The following OCA2 variants were observed in gnomAD, a reference collection of about 807,000 sequenced individuals.
OCA2 encodes the protein P protein.
OCA2 carries 77 observed loss-of-function variants against 100.2 expected under a neutral mutation model. The observed-to-expected ratio is 0.77, with a 90% CI of 0.64 to 0.93. The LOEUF is 0.93. Among genes scored for constraint, OCA2 ranks in the 40% least tolerant of loss-of-function variants. The probability of loss-of-function intolerance (pLI) is 0.00; values close to 1 mark genes in which losing one functional copy is unlikely to be tolerated. For missense variants in OCA2, 1,062 were observed against 1,089.1 expected, an observed-to-expected ratio of 0.98 and a Z score of 0.35; for synonymous variants, 432 against 439.2, an observed-to-expected ratio of 0.98 and a Z score of 0.21.
intron 9 of OCA2, among the ~76,000 whole-genome samples, chr15:28,006,460 T>G (rs2074830238): frequency 6.6e-6 from 1 of 152,216 alleles, no homozygotes; most frequent in African/African-American, 2.4e-5. Flanking sequence ...TGAGAAGAAA[T>G]GCTGGATTGT....
chr15:27,848,743 A>G (rs1185689205), intron 22 of OCA2, among the ~76,000 whole-genome samples: 1 of 152,246 alleles, frequency 6.6e-6, no homozygotes, highest in African/African-American at 2.4e-5. Flanking sequence ...GAACAGTGAG[A>G]TTTTCCACTT....
At chr15:27,844,838 CCA>C (rs1419774195) in intron 23 of OCA2, 119 bp downstream of exon 23, 2 of 777,568 alleles carry the variant, frequency 2.6e-6, no homozygotes, top group Non-Finnish European at 4.5e-6. Context: ...CTCCCCTACA[CCA>C]CAGTCTCTCT....
chr15:27,961,970 A>T (rs2040424896), intron 15 of OCA2, among the ~76,000 whole-genome samples: 1 of 152,108 alleles, frequency 6.6e-6, no homozygotes, highest in Non-Finnish European at 1.5e-5. Context: ...TAAAATAAAT[A>T]AAAATAAAAA....
intron 23 of OCA2, among the ~76,000 whole-genome samples, chr15:27,812,944 T>C (rs1874839): frequency 0.75 from 113,903 of 151,856 alleles, 44,034 homozygotes; most frequent in East Asian, 1. Flanking sequence ...CCTCCCCACT[T>C]CCCCACATGC....
At chr15:27,997,042 A>C (rs2041753369) in intron 9 of OCA2, among the ~76,000 whole-genome samples, 1 of 148,654 alleles carries the variant, frequency 6.7e-6, no homozygotes, top group South Asian at 2.1e-4. Context: ...AGAGAGAGAG[A>C]AAGAAGGAAG....
At chr15:27,965,970 T>C (rs2040552148) in intron 15 of OCA2, among the ~76,000 whole-genome samples, 1 of 151,930 alleles carries the variant, frequency 6.6e-6, no homozygotes, top group Non-Finnish European at 1.5e-5. Context: ...TTTGTTTGTT[T>C]GTTTGTTTGT....
Position 28,066,220 on chromosome 15 carries a change from A to G in OCA2, c.227+15428T>C, listed in dbSNP as rs563497971. ...TGTCCAACACCTATCACTGAAAACT[A>G]TAAAATTTTGCTTAGAGAAATTAAA... On this transcript the variant is annotated intron_variant, in intron 2 of 23. Transcript: ENST00000354638. 1.4e-4 allele frequency among the ~76,000 whole-genome samples: 21 copies of G among 152,342 alleles called. No individual in the cohort carries two copies. In the South Asian group the frequency reaches 4.3e-3, roughly 32 times the overall value.
At chr15:27,730,156 G>T in the OCA2 span, among the ~76,000 whole-genome samples, 1 of 152,180 alleles carries the variant, frequency 6.6e-6, no homozygotes, top group Non-Finnish European at 1.5e-5. Context: ...GGCTCACACA[G>T]CTCCTCCTCT....
At position 27,775,769 on chromosome 15, in the gene OCA2, T is replaced by G. The variant is rs1173875452; in HGVS notation, c.2433-20297A>C. On this transcript the variant is annotated intron_variant, in intron 23 of 23. Coordinates refer to ENST00000354638, the MANE Select transcript of OCA2 (RefSeq NM_000275.3). ...CCTCGTTCCTTGGCCGTCTTCTCCC[T>G]GTGTCTTCACAATGTTTTCCTCTGT... 3 of 152,430 alleles carry G rather than the reference T, an allele frequency of 2.0e-5. No individual in the cohort carries two copies. In the East Asian group the frequency reaches 5.8e-4, roughly 29 times the overall value. The allele number at this position is 152,430 out of a possible 1,614,324, so 9.4% of individuals were successfully genotyped here. A position where few individuals can be genotyped will look rare whatever the true frequency, so the allele number is the denominator to read the frequency against.
At chr15:27,882,806 G>A (rs918075015) in intron 19 of OCA2, among the ~76,000 whole-genome samples, 10 of 152,244 alleles carry the variant, frequency 6.6e-5, no homozygotes, top group Admixed American at 2.6e-4. Context: ...TGTATCACAC[G>A]TGTATCATCC....
chr15:27,836,084 G>A (rs1006337776), intron 23 of OCA2, among the ~76,000 whole-genome samples: 2 of 152,150 alleles, frequency 1.3e-5, no homozygotes, highest in Admixed American at 6.5e-5. Flanking sequence ...ACAGCCCTGC[G>A]ATGCTCCTAG....
At chr15:27,756,510 A>G (rs1452003209) in intron 23 of OCA2, among the ~76,000 whole-genome samples, 1 of 152,276 alleles carries the variant, frequency 6.6e-6, no homozygotes, top group Non-Finnish European at 1.5e-5. Flanking sequence ...AACACAGAAC[A>G]TATTTTGGGA....
intron 2 of OCA2, among the ~76,000 whole-genome samples, chr15:28,054,344 T>A (rs535772907): frequency 2.0e-5 from 3 of 152,192 alleles, no homozygotes; most frequent in African/African-American, 7.2e-5. Flanking sequence ...TGTGTTTATG[T>A]GTGTGCATAG....
chr15:28,040,961 A>G, intron 2 of OCA2, among the ~76,000 whole-genome samples: 1 of 152,186 alleles, frequency 6.6e-6, no homozygotes, highest in Admixed American at 6.5e-5. Flanking sequence ...ATTGAAAAGG[A>G]GGGCAAACTC....
intron 23 of OCA2, among the ~76,000 whole-genome samples, chr15:27,827,971 G>T (rs190785064): frequency 8.5e-4 from 129 of 152,186 alleles, no homozygotes; most frequent in Middle Eastern, 3.4e-3. Context: ...TACTTTTATG[G>T]TAAATTCTAT....
intron 9 of OCA2, among the ~76,000 whole-genome samples, chr15:28,004,831 A>G (rs1268621095): frequency 6.6e-6 from 1 of 151,984 alleles, no homozygotes; most frequent in Non-Finnish European, 1.5e-5. Flanking sequence ...ACACATACTC[A>G]TGTACTAACA....
intron 18 of OCA2, among the ~76,000 whole-genome samples, chr15:27,937,497 T>C (rs117964129): frequency 2.3e-3 from 358 of 152,344 alleles, no homozygotes; most frequent in Non-Finnish European, 4.3e-3. Flanking sequence ...TCAAAAGTCA[T>C]TGTACAAATT....
chr15:27,852,498 A>G lies in OCA2; in HGVS notation c.2245-1023T>C, dbSNP rs576795100. 4.8e-3 allele frequency among the ~76,000 whole-genome samples: 730 copies of G among 152,370 alleles called. 2 individuals are homozygous for G. The highest frequency in any genetic ancestry group is 6.8e-3 in the Non-Finnish European group (460 of 68,040). On this transcript the variant is annotated intron_variant, in intron 21 of 23. Coordinates refer to ENST00000354638, the MANE Select transcript of OCA2 (RefSeq NM_000275.3). ...GAAGAAAACCTAGGCAATACCATTCAGGACATAGGCATGGGCAAGGACTTC... is the reference window on the plus strand; with the variant it reads ...GAAGAAAACCTAGGCAATACCATTCGGGACATAGGCATGGGCAAGGACTTC...
intron 19 of OCA2, among the ~76,000 whole-genome samples, chr15:27,874,912 C>T (rs185662122): frequency 4.6e-5 from 7 of 152,090 alleles, no homozygotes; most frequent in East Asian, 1.9e-4. Context: ...AATGTAAATG[C>T]AATCAAAATG....
Sources: allele counts gnomAD v4.1 joint callset (sites outside exome capture counted in the v4.1 genomes callset), GRCh38; gene constraint gnomAD v4.1.1; transcripts MANE v1.5; gene names NCBI Gene and HGNC (gene_info 2026-07-23, HGNC 2026-07-21).